SOX6: variants seen among roughly 807,000 people sequenced by gnomAD.
The protein encoded by SOX6 is transcription factor SOX-6.
Under a neutral mutation model 97.8 loss-of-function variants are expected in SOX6, and 11 were observed. The observed-to-expected ratio is 0.11, with a 90% CI of 0.07 to 0.19. The LOEUF (loss-of-function observed/expected upper bound fraction) is 0.19. Among genes scored for constraint, SOX6 ranks in the 10% least tolerant of loss-of-function variants. The pLI is 1.00. For missense variants in SOX6, 810 were observed against 1,039.5 expected (o/e 0.78, Z 3.04); for synonymous variants, 360 against 371.4 (o/e 0.97, Z 0.35).
chr11:16,248,964 G>T (rs1853423762), intron 3 of SOX6, among the ~76,000 whole-genome samples: 1 of 152,074 alleles, frequency 6.6e-6, no homozygotes, highest in Admixed American at 6.6e-5. Context: ...AGCTGGGCAT[G>T]GTGGCACATG....
intron 1 of SOX6, among the ~76,000 whole-genome samples, chr11:16,428,389 G>A (rs972060007): frequency 6.6e-6 from 1 of 152,154 alleles, no homozygotes; most frequent in Non-Finnish European, 1.5e-5. Context: ...TTTTAGACAC[G>A]AAGTTCTTGC....
chr11:16,461,594 T>C (rs1354975712), intron 1 of SOX6, among the ~76,000 whole-genome samples: 1 of 152,180 alleles, frequency 6.6e-6, no homozygotes, highest in African/African-American at 2.4e-5. Flanking sequence ...CTAGTCCCCT[T>C]ACTAGCAGGA....
At chr11:16,217,149 C>T (rs1051250556) in intron 4 of SOX6, among the ~76,000 whole-genome samples, 1 of 152,144 alleles carries the variant, frequency 6.6e-6, no homozygotes, top group Non-Finnish European at 1.5e-5. Context: ...ATTTATGCTC[C>T]CTTGATGTTA....
intron 6 of SOX6, among the ~76,000 whole-genome samples, chr11:16,132,315 G>GA (rs1849774904): frequency 9.4e-6 from 1 of 106,262 alleles, no homozygotes; most frequent in African/African-American, 3.6e-5. Context: ...AGGAAGGAAG[G>GA]AAGGAAGGAA....
intron 13 of SOX6, among the ~76,000 whole-genome samples, chr11:16,013,799 T>G (rs4757380): frequency 0.32 from 48,272 of 151,904 alleles, 9,144 homozygotes; most frequent in Non-Finnish European, 0.42. Context: ...CTAATACTAT[T>G]CATCTCTGAG....
At chr11:16,528,747 GAGAAATTGAT>G (rs1861201177) in intron 4 of SOX6, among the ~76,000 whole-genome samples, 1 of 152,126 alleles carries the variant, frequency 6.6e-6, no homozygotes, top group Non-Finnish European at 1.5e-5. Context: ...AAAATAAGAA[GAGAAATTGAT>G]AGCACTTCTC....
At chr11:16,726,040 A>G (rs1250678864) in intron 2 of SOX6, among the ~76,000 whole-genome samples, 1 of 152,196 alleles carries the variant, frequency 6.6e-6, no homozygotes, top group African/African-American at 2.4e-5. Context: ...TAGCTGGGAA[A>G]AGGTCTATTT....
chr11:16,515,323 T>C (rs1223693684), intron 4 of SOX6, among the ~76,000 whole-genome samples: 3 of 151,158 alleles, frequency 2.0e-5, no homozygotes, highest in African/African-American at 4.8e-5. Context: ...TTTCATGTGT[T>C]TTTTGGCTGC....
chr11:16,445,415 T>C (rs1470287328), intron 1 of SOX6, among the ~76,000 whole-genome samples: 2 of 152,216 alleles, frequency 1.3e-5, no homozygotes, highest in African/African-American at 4.8e-5. Flanking sequence ...TGCCCCATGA[T>C]TTGCATATTC....
chr11:16,653,216 T>C (rs543757683), intron 3 of SOX6, among the ~76,000 whole-genome samples: 102 of 152,304 alleles, frequency 6.7e-4, no homozygotes, highest in African/African-American at 2.2e-3. Flanking sequence ...TGGAGATTCC[T>C]TAAAGAACTA....
At chr11:16,681,099 C>T (rs1847923888) in intron 3 of SOX6, among the ~76,000 whole-genome samples, 1 of 152,158 alleles carries the variant, frequency 6.6e-6, no homozygotes, top group Non-Finnish European at 1.5e-5. Flanking sequence ...CAGCTCTGGA[C>T]CAAGCAGACC....
At chr11:16,509,475 G>A (rs1860844683) in intron 4 of SOX6, among the ~76,000 whole-genome samples, 1 of 151,890 alleles carries the variant, frequency 6.6e-6, no homozygotes, top group Admixed American at 6.6e-5. Flanking sequence ...TTTCTGGGAT[G>A]GTGGTCTAAG....
intron 6 of SOX6, among the ~76,000 whole-genome samples, chr11:16,139,873 T>C (rs1461461077): frequency 1.3e-5 from 2 of 150,882 alleles, no homozygotes; most frequent in Non-Finnish European, 3.0e-5. Flanking sequence ...TCCAATATAA[T>C]ACCACAGAGT....
At chr11:16,267,841 T>C (rs1854127971) in intron 3 of SOX6, among the ~76,000 whole-genome samples, 1 of 151,596 alleles carries the variant, frequency 6.6e-6, no homozygotes, top group Non-Finnish European at 1.5e-5. Flanking sequence ...GTGGCATATG[T>C]ACACAAAAGA....
intron 3 of SOX6, among the ~76,000 whole-genome samples, chr11:16,294,441 C>T (rs1855008696): frequency 6.6e-6 from 1 of 152,038 alleles, no homozygotes; most frequent in African/African-American, 2.4e-5. Flanking sequence ...TTTTAAAACT[C>T]TCCTTGGTAT....
At chr11:16,236,695 A>G (rs1203836916) in intron 3 of SOX6, among the ~76,000 whole-genome samples, 1 of 152,018 alleles carries the variant, frequency 6.6e-6, no homozygotes, top group Non-Finnish European at 1.5e-5. Context: ...TACTAGGATT[A>G]AATGCATTTT....
intron 3 of SOX6, among the ~76,000 whole-genome samples, chr11:16,245,779 T>C (rs978453644): frequency 6.6e-6 from 1 of 151,612 alleles, no homozygotes; most frequent in Non-Finnish European, 1.5e-5. Context: ...AGTGTTTTCA[T>C]GGTACATCTT....
chr11:16,485,755 A>C (rs1860417208), intron 4 of SOX6, among the ~76,000 whole-genome samples: 1 of 150,030 alleles, frequency 6.7e-6, no homozygotes, highest in Non-Finnish European at 1.5e-5. Flanking sequence ...TTAGCCAGGC[A>C]TGGTGGCACA....
chr11:16,476,530 C>A (rs928076358), upstream of SOX6: 3 of 152,012 alleles, frequency 2.0e-5, no homozygotes, highest in Non-Finnish European at 4.4e-5. Flanking sequence ...CAACTTTTTC[C>A]AAAATGATAA....
Sources: allele counts gnomAD v4.1 joint callset (sites outside exome capture counted in the v4.1 genomes callset), GRCh38; gene constraint gnomAD v4.1.1; transcripts MANE v1.5; gene names NCBI Gene and HGNC (gene_info 2026-07-23, HGNC 2026-07-21).